Variants in L3MBTL4 observed in about 807,000 individuals in gnomAD.
L3MBTL4 encodes lethal(3)malignant brain tumor-like protein 4.
L3MBTL4 carries 70 observed loss-of-function variants against 84.5 expected under a neutral mutation model. The observed-to-expected ratio is 0.83, with a 90% CI of 0.68 to 1.01. L3MBTL4 has a LOEUF of 1.01. L3MBTL4 is among the 50% of genes least tolerant of loss of function. L3MBTL4 has a pLI of 0.00. For synonymous variants in L3MBTL4, 274 were observed against 259.8 expected, an observed-to-expected ratio of 1.05 and a Z score of -0.52; for missense variants, 715 against 754.8, an observed-to-expected ratio of 0.95 and a Z score of 0.62.
intron 10 of L3MBTL4, among the ~76,000 whole-genome samples, chr18:6,222,801 C>T (rs986928505): frequency 5.3e-5 from 8 of 151,836 alleles, no homozygotes; most frequent in Non-Finnish European, 1.0e-4. Context: ...ATCCTCTGAA[C>T]TCTTACCTTC....
At chr18:6,062,288 C>A (rs2057248125) in intron 16 of L3MBTL4, among the ~76,000 whole-genome samples, 1 of 151,956 alleles carries the variant, frequency 6.6e-6, no homozygotes, top group Non-Finnish European at 1.5e-5. Flanking sequence ...ATGCTTTAAA[C>A]ATTTCGCTCT....
At chr18:6,096,577 C>G (rs2058650907) in intron 14 of L3MBTL4, among the ~76,000 whole-genome samples, 2 of 152,130 alleles carry the variant, frequency 1.3e-5, no homozygotes, top group Admixed American at 6.5e-5. Flanking sequence ...CACTCAGACT[C>G]TTACTGGTGC....
chr18:5,956,241 T>C lies in L3MBTL4; in HGVS notation c.1824A>G (p.Ser608=). The C allele has an allele frequency of 6.2e-7, 1 of 1,613,798 alleles. No individual in the cohort carries two copies. Among genetic ancestry groups the C allele is most frequent in the Non-Finnish European group, 8.5e-7 (1 of 1,179,890 alleles). ...CCATTCATCCCCTGACTTCTTGGCC[T>C]GAGGCAATATCTTCTTCAGGGAGTT... ...SQELPEEDIA[S]GQEVRG Residue 608 remains serine, a synonymous_variant, in exon 19 of 19, where the codon TCA becomes TCG. Transcript: ENST00000317931.
At chr18:6,288,549 A>G (rs2049700686) in intron 4 of L3MBTL4, among the ~76,000 whole-genome samples, 1 of 152,186 alleles carries the variant, frequency 6.6e-6, no homozygotes, top group African/African-American at 2.4e-5. Context: ...CCAGCCTAAA[A>G]CAAAATGATC....
chr18:6,400,964 A>G (rs1290978716), intron 1 of L3MBTL4, among the ~76,000 whole-genome samples: 2 of 152,160 alleles, frequency 1.3e-5, no homozygotes, highest in Non-Finnish European at 2.9e-5. Flanking sequence ...TGAGACTCAC[A>G]AGGTGTCCTC....
chr18:6,335,514 G>A (rs1224767126), intron 1 of L3MBTL4, among the ~76,000 whole-genome samples: 1 of 152,204 alleles, frequency 6.6e-6, no homozygotes, highest in Non-Finnish European at 1.5e-5. Flanking sequence ...CTTCTTTGCT[G>A]TAATGATATG....
chr18:6,138,105 T>G, intron 14 of L3MBTL4, 89 bp downstream of exon 14: 10 of 810,214 alleles, frequency 1.2e-5, no homozygotes, highest in Middle Eastern at 3.0e-4. Context: ...GCTGGCTCCA[T>G]GAGACTCATT....
At chr18:6,137,757 T>C (rs938582287) in intron 14 of L3MBTL4, among the ~76,000 whole-genome samples, 2 of 152,228 alleles carry the variant, frequency 1.3e-5, no homozygotes, top group African/African-American at 4.8e-5. Flanking sequence ...TTCTGCAACA[T>C]AACTTCACAC....
intron 14 of L3MBTL4, among the ~76,000 whole-genome samples, chr18:6,109,344 G>A (rs959376368): frequency 2.6e-5 from 4 of 152,066 alleles, no homozygotes; most frequent in African/African-American, 9.7e-5. Flanking sequence ...GTGTGTGCAT[G>A]TATGTAGACA....
At chr18:6,057,980 T>C (rs2057083710) in intron 16 of L3MBTL4, among the ~76,000 whole-genome samples, 1 of 152,224 alleles carries the variant, frequency 6.6e-6, no homozygotes, top group Admixed American at 6.5e-5. Flanking sequence ...GATAAAAATT[T>C]CTTGTGTCTT....
chr18:6,270,505 A>C (rs1341031760), intron 4 of L3MBTL4, among the ~76,000 whole-genome samples: 4 of 152,206 alleles, frequency 2.6e-5, no homozygotes, highest in Non-Finnish European at 4.4e-5. Flanking sequence ...AGGCAGACAC[A>C]AGTGCTAATA....
chr18:6,130,286 G>T (rs1200046662), intron 14 of L3MBTL4, among the ~76,000 whole-genome samples: 1 of 150,628 alleles, frequency 6.6e-6, no homozygotes, highest in Non-Finnish European at 1.5e-5. Context: ...ACTCACAAAG[G>T]GGAACAGACG....
At chr18:6,025,243 A>G (rs555037016) in intron 16 of L3MBTL4, 2 of 152,324 alleles carry the variant, frequency 1.3e-5, no homozygotes, top group African/African-American at 4.8e-5. Flanking sequence ...TCGCCCAGGT[A>G]AATGTCACAA....
chr18:6,039,722 G>C (rs9953472), intron 16 of L3MBTL4, among the ~76,000 whole-genome samples: 26,885 of 152,100 alleles, frequency 0.18, 2,564 homozygotes, highest in East Asian at 0.31. Context: ...CTTCATGCTG[G>C]GTAAGCTTCC....
intron 13 of L3MBTL4, among the ~76,000 whole-genome samples, chr18:6,157,543 T>G (rs1598939963): frequency 1.3e-5 from 2 of 152,224 alleles, no homozygotes; most frequent in South Asian, 2.1e-4. Flanking sequence ...ATAAACAATG[T>G]ACCAGCCATA....
At chr18:6,148,131 A>G (rs2042732102) in intron 13 of L3MBTL4, among the ~76,000 whole-genome samples, 1 of 152,224 alleles carries the variant, frequency 6.6e-6, no homozygotes, top group South Asian at 2.1e-4. Flanking sequence ...TTACACATAT[A>G]GTTTTACTGA....
intron 12 of L3MBTL4, among the ~76,000 whole-genome samples, chr18:6,190,558 A>G (rs559739745): frequency 6.6e-6 from 1 of 152,342 alleles, no homozygotes; most frequent in Non-Finnish European, 1.5e-5. Flanking sequence ...TCATGTATTC[A>G]TTTAAGCCAC....
intron 16 of L3MBTL4, among the ~76,000 whole-genome samples, chr18:6,012,749 C>T (rs2054794904): frequency 6.6e-6 from 1 of 151,960 alleles, no homozygotes; most frequent in African/African-American, 2.4e-5. Context: ...CTCCAGCCTA[C>T]ACCACAGAGC....
chr18:6,255,302 T>C (rs1253396474), intron 5 of L3MBTL4, among the ~76,000 whole-genome samples: 2 of 152,208 alleles, frequency 1.3e-5, no homozygotes, highest in Non-Finnish European at 2.9e-5. Context: ...CTGTTACAAG[T>C]GCTTCATACC....
Sources: allele counts gnomAD v4.1 joint callset (sites outside exome capture counted in the v4.1 genomes callset), GRCh38; gene constraint gnomAD v4.1.1; transcripts MANE v1.5; gene names NCBI Gene and HGNC (gene_info 2026-07-23, HGNC 2026-07-21).